Variants in PI4KA observed in about 807,000 individuals in gnomAD.
PI4KA encodes the protein PI4-kinase alpha.
A neutral mutation model predicts 271.4 loss-of-function variants in PI4KA; 122 were observed. The ratio of observed to expected loss-of-function variants is 0.45; its 90% CI spans 0.39 to 0.52. The LOEUF (loss-of-function observed/expected upper bound fraction) is 0.52. Among genes scored for constraint, PI4KA ranks in the 20% least tolerant of loss-of-function variants. The pLI is 0.00. For synonymous variants in PI4KA, 1,041 were observed against 1,078.8 expected, an observed-to-expected ratio of 0.96 and a Z score of 0.69; for missense variants, 1,969 against 2,769.1, an observed-to-expected ratio of 0.71 and a Z score of 6.48.
In PI4KA at chr22:20,850,134, T is replaced by A. The variant is rs1277184713; in HGVS notation, c.156+8436A>T. Among the ~76,000 whole-genome samples, 6 of 152,148 alleles carry A rather than the reference T, an allele frequency of 3.9e-5. No individual in the cohort carries two copies. The South Asian group carries it at 8.3e-4, about 21-fold the overall frequency. ...TAAATTTTGTGGTATGTGAATTATA[T>A]CTCAAGAAAGCACTATTGAAAAACC... On this transcript the variant is annotated intron_variant, in intron 1 of 54. Coordinates refer to ENST00000255882, the MANE Select transcript of PI4KA (RefSeq NM_058004.4).
At chr22:20,788,775 A>G (rs975429839) in intron 19 of PI4KA, among the ~76,000 whole-genome samples, 4 of 149,642 alleles carry the variant, frequency 2.7e-5, no homozygotes, top group African/African-American at 9.9e-5. Flanking sequence ...CTGCTTCACC[A>G]CTCTTCTTTT....
intron 39 of PI4KA, 87 bp from the exon 40 acceptor site, chr22:20,727,951 A>T: frequency 1.1e-6 from 1 of 931,510 alleles, no homozygotes; most frequent in Non-Finnish European, 1.7e-6. Flanking sequence ...AGCCAGGGGG[A>T]AACACTGAAC....
At chr22:20,813,282 T>C (rs1340159678) in intron 8 of PI4KA, 76 bp downstream of exon 8, 2 of 1,172,740 alleles carry the variant, frequency 1.7e-6, no homozygotes, top group Admixed American at 2.0e-5. Flanking sequence ...AGTTTTTCTT[T>C]TAAAAATACA....
At chr22:20,736,223 A>T (rs1246990730) in intron 32 of PI4KA, among the ~76,000 whole-genome samples, 1 of 151,954 alleles carries the variant, frequency 6.6e-6, no homozygotes, top group Non-Finnish European at 1.5e-5. Flanking sequence ...GGAATGCATG[A>T]CGCGGCCTAT....
chr22:20,710,169 A>C (rs1474953045), intron 52 of PI4KA, 172 bp from the exon 53 acceptor site: 48 of 663,052 alleles, frequency 7.2e-5, no homozygotes, highest in Non-Finnish European at 1.1e-4. Flanking sequence ...TGCACTTGGT[A>C]ACCCATACCG....
chr22:20,726,431 G>A, intron 42 of PI4KA, 57 bp downstream of exon 42: 1 of 1,386,554 alleles, frequency 7.2e-7, no homozygotes, highest in Non-Finnish European at 9.5e-7. Flanking sequence ...CCGGGCACAA[G>A]CTGGTGTGGA....
Position 20,765,093 on chromosome 22 carries a change from T to A in PI4KA, c.2574+7A>T, listed in dbSNP as rs769368940. 4 of 1,608,366 alleles carry A rather than the reference T, an allele frequency of 2.5e-6. No homozygotes were observed. In the South Asian group the frequency reaches 4.4e-5, roughly 18 times the overall value. On this transcript the variant is annotated splice_region_variant and intron_variant, in intron 21 of 54. Coordinates refer to ENST00000255882, the MANE Select transcript of PI4KA (RefSeq NM_058004.4). Reference sequence around the variant, plus strand: ...GAGCATGGTAAAAATGAGATGTGAATCCTTACGGGGGTGACCGTGTCATTC... The same window carrying A: ...GAGCATGGTAAAAATGAGATGTGAAACCTTACGGGGGTGACCGTGTCATTC...
chr22:20,813,510 G>C lies in PI4KA; in HGVS notation c.857-4C>G, dbSNP rs1425498895. ...GTCCCATCGGGCAAGCAGGAGGCTGGTGGGAGATAAAGCTGGAAACTCAGC... is the reference window on the plus strand; with the variant it reads ...GTCCCATCGGGCAAGCAGGAGGCTGCTGGGAGATAAAGCTGGAAACTCAGC... On this transcript the variant is annotated splice_polypyrimidine_tract_variant and splice_region_variant and intron_variant, in intron 7 of 54. Transcript: ENST00000255882. The C allele has an allele frequency of 2.5e-6, 4 of 1,613,516 alleles. No individual in the cohort carries two copies. The highest frequency in any genetic ancestry group is 3.4e-6 in the Non-Finnish European group (4 of 1,179,776).
At chr22:20,715,366 G>A (rs1925854977) in intron 45 of PI4KA, among the ~76,000 whole-genome samples, 3 of 152,060 alleles carry the variant, frequency 2.0e-5, no homozygotes, top group Admixed American at 2.0e-4. Context: ...CACTGCGCCT[G>A]GCCTTCCTTA....
intron 19 of PI4KA, among the ~76,000 whole-genome samples, chr22:20,775,476 T>C (rs928394633): frequency 3.9e-5 from 6 of 152,242 alleles, no homozygotes; most frequent in African/African-American, 1.4e-4. Flanking sequence ...GTATAAGAAG[T>C]TTCCAAATAT....
chr22:20,725,438 TAC>T (rs1927229269), intron 42 of PI4KA: 2 of 379,406 alleles, frequency 5.3e-6, no homozygotes, highest in Non-Finnish European at 1.1e-5. Flanking sequence ...CTCAGAATGG[TAC>T]TGTATTTGGA....
rs780452404 is a variant in PI4KA at position 20,818,505 on chromosome 22, T to A, written c.834A>T (p.Gly278=). 1.9e-6 allele frequency: 3 copies of A among 1,577,502 alleles called. No individual in the cohort carries two copies. The highest frequency in any genetic ancestry group is 2.8e-5 in the African/African-American group (2 of 72,390). The change falls in exon 7 of 55, where the codon GGA becomes GGT. Residue 278 remains glycine, a synonymous_variant. Transcript: ENST00000255882. ...CACCTTCAAAGTAGTGAAAGGCAGA[T>A]CCTCCAGGGGAACTGGGAGGGGGCA... The part of the protein sequence containing the change: ...RGMPPPSSPG[G]SAFHYFEASC...
At chr22:20,825,051 C>T (rs1416522991) in intron 3 of PI4KA, among the ~76,000 whole-genome samples, 1 of 95,878 alleles carries the variant, frequency 1.0e-5, no homozygotes, top group East Asian at 3.4e-4. Context: ...GCCTGGGTGA[C>T]AGAATGAGAC....
intron 32 of PI4KA, among the ~76,000 whole-genome samples, chr22:20,738,030 T>C (rs1321767721): frequency 6.6e-6 from 1 of 152,026 alleles, no homozygotes; most frequent in East Asian, 1.9e-4. Context: ...CAGTCACAAT[T>C]TGTGGTGAAA....
chr22:20,755,026 C>G (rs1444365738), intron 23 of PI4KA, among the ~76,000 whole-genome samples: 1 of 152,138 alleles, frequency 6.6e-6, no homozygotes, highest in Non-Finnish European at 1.5e-5. Context: ...TGGGCTCAAG[C>G]AATCCTCCTG....
intron 19 of PI4KA, chr22:20,786,180 C>G: frequency 6.2e-7 from 1 of 1,612,362 alleles, no homozygotes; most frequent in Non-Finnish European, 8.5e-7. Flanking sequence ...CCCGACCCGT[C>G]CCCAGGGTCT....
Position 20,734,546 on chromosome 22 carries a change from C to T in PI4KA, c.3749G>A (p.Arg1250Gln), listed in dbSNP as rs2147254842. The T allele has an allele frequency of 2.5e-6, 4 of 1,613,934 alleles. No homozygotes were observed. The highest frequency in any genetic ancestry group is 2.5e-6 in the Non-Finnish European group (3 of 1,179,858). Reference protein sequence around the residue: ...GKDGVEVPFMREMAGAWHMTV... With the variant: ...GKDGVEVPFMQEMAGAWHMTV... ...CATGTGCCAGGCCCCTGCCATCTCC[C>T]GCATGAACTACAGGTACAGAAGGAA... The change falls in exon 33 of 55, where the codon CGG (arginine) becomes CAG (glutamine). Residue 1250 changes from arginine (R) to glutamine (Q), a missense_variant. Physicochemically the swap from Arg to Gln is conservative, Grantham distance 43. Transcript: ENST00000255882.
At chr22:20,743,793 G>A (rs886999509) in intron 30 of PI4KA, among the ~76,000 whole-genome samples, 5 of 152,062 alleles carry the variant, frequency 3.3e-5, no homozygotes, top group South Asian at 4.2e-4. Flanking sequence ...GGTGGCTCAC[G>A]CCTGTAATCC....
chr22:20,779,953 T>C (rs199847746), intron 19 of PI4KA: 7 of 1,614,094 alleles, frequency 4.3e-6, no homozygotes, highest in African/African-American at 2.7e-5. Context: ...AGGAGGAATT[T>C]TGGGTACACA....
Sources: gnomAD v4.1 joint callset for allele counts (sites outside exome capture counted in the v4.1 genomes callset) on GRCh38, gnomAD v4.1.1 for gene constraint, MANE v1.5 for transcripts, NCBI Gene and HGNC (gene_info 2026-07-23, HGNC 2026-07-21) for gene names.